DBX2: variants seen among roughly 807,000 people sequenced by gnomAD.
DBX2 encodes the protein homeobox protein DBX2.
In DBX2, 16 loss-of-function variants were observed where a neutral mutation model predicts 17.7. The observed-to-expected ratio is 0.90, with a 90% CI of 0.61 to 1.37. The LOEUF (loss-of-function observed/expected upper bound fraction) is 1.37, where lower values mean the gene tolerates loss of function less well. Ranked by LOEUF, DBX2 falls within the 40% of genes most tolerant of loss-of-function variation. The probability of loss-of-function intolerance (pLI) is 0.00; values close to 1 mark genes in which losing one functional copy is unlikely to be tolerated. For synonymous variants in DBX2, 255 were observed against 183.8 expected (o/e 1.39, Z -3.13); for missense variants, 538 against 433.8 (o/e 1.24, Z -2.13).
Position 45,050,736 on chromosome 12 carries a change from G to C in DBX2, c.192C>G (p.Thr64=). ...GCTGCGCGCCCGCGGTGGCCAGGGCGGTCGCCGGGTCGTGGGGCGCGGGCG... is the reference window on the plus strand; with the variant it reads ...GCTGCGCGCCCGCGGTGGCCAGGGCCGTCGCCGGGTCGTGGGGCGCGGGCG... ...LQPPAPHDPA[T]ALATAGAQLR... Residue 64 remains threonine, a synonymous_variant, in exon 1 of 4, where the codon ACC becomes ACG. Coordinates refer to ENST00000332700, the MANE Select transcript of DBX2 (RefSeq NM_001004329.3). The C allele has an allele frequency of 6.7e-7, 1 of 1,495,170 alleles. No individual in the cohort carries two copies. 92.6% of individuals were successfully genotyped at this position (1,495,170 alleles called of 1,614,324 possible).
chr12:45,036,586 C>T (rs956686233), intron 1 of DBX2, among the ~76,000 whole-genome samples: 8 of 152,098 alleles, frequency 5.3e-5, no homozygotes, highest in South Asian at 2.1e-4. Context: ...TAGACTCATA[C>T]GACTAGGGAT....
At position 45,050,516 on chromosome 12, in the gene DBX2, C is replaced by T. The variant is rs1375280230; in HGVS notation, c.403+9G>A. 3 of 1,547,976 alleles carry T rather than the reference C, an allele frequency of 1.9e-6. No individual in the cohort carries two copies. The highest frequency in any genetic ancestry group is 2.4e-5 in the South Asian group (2 of 83,980). On this transcript the variant is annotated intron_variant, in intron 1 of 3. Coordinates refer to ENST00000332700, the MANE Select transcript of DBX2 (RefSeq NM_001004329.3). ...GCGCGGCTGGGGAGGGAGGGGAGAG[C>T]TGGCTCACCTGGCGCTGAAGGCTGG...
rs1420816425 is a variant in DBX2 at position 45,038,484 on chromosome 12, GATGCAATATGT to G, written c.404-2381_404-2371del. Among the ~76,000 whole-genome samples, 6 of 151,196 alleles carry G rather than the reference GATGCAATATGT, an allele frequency of 4.0e-5. No individual in the cohort carries two copies. In the South Asian group the frequency reaches 1.0e-3, roughly 26 times the overall value. ...ATACTACTGATATCATTAATATAAG[GATGCAATATGT>G]ATGCAATATGTGTGTGTGTATATAT... On this transcript the variant is annotated intron_variant, in intron 1 of 3. Coordinates refer to ENST00000332700, the MANE Select transcript of DBX2 (RefSeq NM_001004329.3).
At position 45,033,990 on chromosome 12, in the gene DBX2, T is replaced by C. The variant is rs967252020; in HGVS notation, c.499+2029A>G. 2.5e-4 allele frequency among the ~76,000 whole-genome samples: 38 copies of C among 152,054 alleles called. 1 individual carries two copies. The highest frequency in any genetic ancestry group is 7.7e-4 in the African/African-American group (32 of 41,394). ...AGAAGATAAAGTCATCTAGAAAACA[T>C]CTTTAGCATTACTTTTACATGCTCT... On this transcript the variant is annotated intron_variant, in intron 2 of 3. Transcript: ENST00000332700.
At chr12:45,026,568 C>A (rs1469105536) in intron 2 of DBX2, among the ~76,000 whole-genome samples, 1 of 152,162 alleles carries the variant, frequency 6.6e-6, no homozygotes, top group South Asian at 2.1e-4. Context: ...AATGTACTAA[C>A]CCTACACAAT....
chr12:45,047,586 A>T (rs1026567568), intron 1 of DBX2, among the ~76,000 whole-genome samples: 3 of 152,134 alleles, frequency 2.0e-5, no homozygotes, highest in South Asian at 2.1e-4. Flanking sequence ...AATCTGTGTT[A>T]CTGTGTTTAA....
intron 1 of DBX2, among the ~76,000 whole-genome samples, chr12:45,040,323 A>C (rs1946464634): frequency 6.6e-6 from 1 of 152,050 alleles, no homozygotes. Flanking sequence ...GCTTGCATAC[A>C]TCCTATTGTG....
At chr12:45,032,110 T>C (rs1255613870) in intron 2 of DBX2, among the ~76,000 whole-genome samples, 1 of 151,916 alleles carries the variant, frequency 6.6e-6, no homozygotes, top group African/African-American at 2.4e-5. Context: ...CTAGAACTGC[T>C]GAATAGAGCC....
In DBX2 at chr12:45,015,124, T is replaced by A. The variant is rs1465805825; in HGVS notation, c.*1162A>T. The stretch of plus-strand genomic sequence containing the variant: ...TGGTCCTGGAGTAAAAACTTCTGGA[T>A]TAACTCAGCAAATCGTTACCAGAAA... On this transcript the variant is annotated 3_prime_UTR_variant, in exon 4 of 4. Coordinates refer to ENST00000332700, the MANE Select transcript of DBX2 (RefSeq NM_001004329.3). 6.6e-6 allele frequency: 1 copy of A among 152,226 alleles called. No individual in the cohort carries two copies. The highest frequency in any genetic ancestry group is 1.5e-5 in the Non-Finnish European group (1 of 68,030). 9.4% of individuals were successfully genotyped at this position (152,226 alleles called of 1,614,324 possible). A position where few individuals can be genotyped will look rare whatever the true frequency, so the allele number is the denominator to read the frequency against.
intron 2 of DBX2, among the ~76,000 whole-genome samples, chr12:45,025,207 G>C (rs906429964): frequency 4.6e-5 from 7 of 152,168 alleles, no homozygotes; most frequent in Non-Finnish European, 7.3e-5. Context: ...GTAATCATAA[G>C]ATTCCTTATA....
At chr12:45,033,145 A>T (rs1012063580) in intron 2 of DBX2, among the ~76,000 whole-genome samples, 3 of 152,204 alleles carry the variant, frequency 2.0e-5, no homozygotes, top group Non-Finnish European at 2.9e-5. Flanking sequence ...AGTCAGTCGT[A>T]AATCTAAGAA....
intron 3 of DBX2, 35 bp downstream of exon 3, chr12:45,023,672 T>G (rs756750122): frequency 6.2e-7 from 1 of 1,612,440 alleles, no homozygotes; most frequent in Non-Finnish European, 8.5e-7. Context: ...TCAGAAGAAA[T>G]CAGAGGCAGT....
At chr12:45,043,076 C>A (rs1207296791) in intron 1 of DBX2, among the ~76,000 whole-genome samples, 1 of 152,256 alleles carries the variant, frequency 6.6e-6, no homozygotes, top group Admixed American at 6.5e-5. Context: ...CCGGCTATAC[C>A]ACTCTGTGTG....
chr12:45,025,156 G>C (rs957184937), intron 2 of DBX2, among the ~76,000 whole-genome samples: 1 of 152,214 alleles, frequency 6.6e-6, no homozygotes, highest in African/African-American at 2.4e-5. Context: ...AACTGACCTT[G>C]AGATGAAGAG....
At chr12:45,029,515 C>T (rs976112439) in intron 2 of DBX2, among the ~76,000 whole-genome samples, 12 of 152,088 alleles carry the variant, frequency 7.9e-5, no homozygotes, top group African/African-American at 1.9e-4. Context: ...GTCAAAGGTA[C>T]GAGTGGGCAG....
chr12:45,044,167 A>T lies in DBX2; in HGVS notation c.403+6358T>A, dbSNP rs182141898. On this transcript the variant is annotated intron_variant, in intron 1 of 3. Coordinates refer to ENST00000332700, the MANE Select transcript of DBX2 (RefSeq NM_001004329.3). Reference sequence around the variant, plus strand: ...CATTATGACTATTCAATAGAAAAGCAGCTATAGAAAATATGTAAACAAATA... The same window carrying T: ...CATTATGACTATTCAATAGAAAAGCTGCTATAGAAAATATGTAAACAAATA... Among the ~76,000 whole-genome samples, 103 of 152,340 alleles carry T rather than the reference A, an allele frequency of 6.8e-4. 2 individuals are homozygous for T. In the South Asian group the frequency reaches 0.014, roughly 21 times the overall value.
intron 1 of DBX2, among the ~76,000 whole-genome samples, chr12:45,048,562 G>A (rs2137034064): frequency 6.6e-6 from 1 of 152,200 alleles, no homozygotes; most frequent in Non-Finnish European, 1.5e-5. Flanking sequence ...GGTAAGGCAA[G>A]AATCTGTAAT....
chr12:45,033,409 A>C (rs947599486), intron 2 of DBX2, among the ~76,000 whole-genome samples: 2 of 152,210 alleles, frequency 1.3e-5, no homozygotes, highest in African/African-American at 4.8e-5. Flanking sequence ...TTGCTTGTAC[A>C]ATGTTAAATA....
At chr12:45,028,786 C>CA (rs1027874665) in intron 2 of DBX2, among the ~76,000 whole-genome samples, 4 of 152,016 alleles carry the variant, frequency 2.6e-5, no homozygotes, top group Non-Finnish European at 5.9e-5. Flanking sequence ...AATAGACAAG[C>CA]AAAAAAATAC....
Sources: allele counts gnomAD v4.1 joint callset (sites outside exome capture counted in the v4.1 genomes callset), GRCh38; gene constraint gnomAD v4.1.1; transcripts MANE v1.5; gene names NCBI Gene and HGNC (gene_info 2026-07-23, HGNC 2026-07-21).